The following NFIA variants were observed in gnomAD, a reference collection of about 807,000 sequenced individuals.
The protein encoded by NFIA is nuclear factor I A.
In NFIA, 8 loss-of-function variants were observed where a neutral mutation model predicts 62.8. The ratio of observed to expected loss-of-function variants is 0.13; its 90% CI spans 0.07 to 0.23. The LOEUF (loss-of-function observed/expected upper bound fraction) is 0.23, where lower values mean the gene tolerates loss of function less well. NFIA is among the 10% of genes least tolerant of loss of function. NFIA has a pLI of 1.00. For synonymous variants in NFIA, 235 were observed against 238.1 expected, an observed-to-expected ratio of 0.99 and a Z score of 0.12; for missense variants, 410 against 642.1, an observed-to-expected ratio of 0.64 and a Z score of 3.91.
chr1:61,118,706 G>A (rs1307291431), intron 2 of NFIA, among the ~76,000 whole-genome samples: 2 of 116,554 alleles, frequency 1.7e-5, no homozygotes, highest in Non-Finnish European at 3.8e-5. Context: ...GTGTGTGTGT[G>A]TGTACCAGAG....
chr1:61,307,646 T>C (rs1219438942), intron 3 of NFIA, among the ~76,000 whole-genome samples: 4 of 152,226 alleles, frequency 2.6e-5, no homozygotes, highest in Admixed American at 2.6e-4. Flanking sequence ...TGCTTCTGTT[T>C]TGTGTTTTAT....
intron 2 of NFIA, among the ~76,000 whole-genome samples, chr1:61,175,817 C>G (rs1385524264): frequency 6.6e-6 from 1 of 152,238 alleles, no homozygotes; most frequent in East Asian, 1.9e-4. Context: ...CACTTCCTCA[C>G]TTGCTCATGC....
At chr1:61,262,023 A>G (rs1656798949) in intron 2 of NFIA, among the ~76,000 whole-genome samples, 1 of 152,324 alleles carries the variant, frequency 6.6e-6, no homozygotes, top group South Asian at 2.1e-4. Flanking sequence ...TCTGTTTGAC[A>G]TATTATGGTT....
intron 2 of NFIA, among the ~76,000 whole-genome samples, chr1:61,126,462 A>ATACACACACACACT (rs1553153079): frequency 1.4e-5 from 2 of 145,820 alleles, no homozygotes; most frequent in South Asian, 4.4e-4. Flanking sequence ...ACACACACAC[A>ATACACACACACACT]CACACACACA....
At chr1:61,129,933 G>C (rs1313388985) in intron 2 of NFIA, among the ~76,000 whole-genome samples, 2 of 152,186 alleles carry the variant, frequency 1.3e-5, no homozygotes, top group African/African-American at 4.8e-5. Context: ...GTGCACTGAA[G>C]AAAGGGCGGA....
intron 9 of NFIA, among the ~76,000 whole-genome samples, chr1:61,411,295 A>G (rs1447565754): frequency 1.3e-5 from 2 of 152,114 alleles, no homozygotes; most frequent in South Asian, 2.1e-4. Flanking sequence ...TAATGGGAAA[A>G]ATCCTTACCA....
intron 8 of NFIA, among the ~76,000 whole-genome samples, chr1:61,405,852 G>A (rs1354089746): frequency 6.6e-6 from 1 of 152,060 alleles, no homozygotes; most frequent in Non-Finnish European, 1.5e-5. Context: ...TTAACATCAG[G>A]CAGCAAAATA....
intron 7 of NFIA, among the ~76,000 whole-genome samples, chr1:61,400,430 T>TAAGA (rs1260597593): frequency 1.5e-4 from 23 of 152,234 alleles, no homozygotes; most frequent in Admixed American, 1.4e-3. Context: ...CCTAGGGTAC[T>TAAGA]AAGAGTATTA....
At chr1:61,280,536 G>T (rs1287102197) in intron 3 of NFIA, among the ~76,000 whole-genome samples, 1 of 152,136 alleles carries the variant, frequency 6.6e-6, no homozygotes, top group African/African-American at 2.4e-5. Context: ...GGAAACGAAT[G>T]GTATTTCCCT....
intron 4 of NFIA, among the ~76,000 whole-genome samples, chr1:61,338,838 T>C (rs1444602432): frequency 2.0e-5 from 3 of 152,214 alleles, no homozygotes; most frequent in Admixed American, 1.3e-4. Flanking sequence ...AAACTTTCTT[T>C]CTAAACTAGT....
chr1:61,277,373 A>C (rs954769979), intron 2 of NFIA, 147 bp from the exon 3 acceptor site: 11 of 723,082 alleles, frequency 1.5e-5, no homozygotes, highest in Admixed American at 2.7e-5. Flanking sequence ...TTCTCTTTCC[A>C]TCTTTTCTTT....
chr1:61,098,796 A>T (rs1646461300), intron 2 of NFIA, among the ~76,000 whole-genome samples: 2 of 152,230 alleles, frequency 1.3e-5, no homozygotes, highest in African/African-American at 4.8e-5. Context: ...CTTACGTTTA[A>T]AAAAGGTTTT....
chr1:61,106,958 A>G (rs1047808957), intron 2 of NFIA, among the ~76,000 whole-genome samples: 1 of 151,400 alleles, frequency 6.6e-6, no homozygotes, highest in Non-Finnish European at 1.5e-5. Context: ...ACATACATAT[A>G]TATATATAAA....
intron 2 of NFIA, among the ~76,000 whole-genome samples, chr1:61,119,257 A>G (rs574050800): frequency 2.2e-4 from 34 of 152,270 alleles, no homozygotes; most frequent in South Asian, 1.5e-3. Context: ...AGTCCACCCC[A>G]CTAGTAAACT....
intron 3 of NFIA, among the ~76,000 whole-genome samples, chr1:61,312,989 C>T (rs1470737127): frequency 2.0e-5 from 3 of 152,066 alleles, no homozygotes; most frequent in Middle Eastern, 3.2e-3. Context: ...AATTTGGTGT[C>T]GCTTTATCCT....
intron 7 of NFIA, 34 bp from the exon 8 acceptor site, chr1:61,404,070 C>G: frequency 6.2e-7 from 1 of 1,608,234 alleles, no homozygotes. Flanking sequence ...GCAGGTCTTT[C>G]TTTTCATAAC....
At chr1:61,277,376 T>G (rs1209648650) in intron 2 of NFIA, 144 bp from the exon 3 acceptor site, 2 of 733,052 alleles carry the variant, frequency 2.7e-6, no homozygotes, top group African/African-American at 3.6e-5. Context: ...TCTTTCCATC[T>G]TTTCTTTTTT....
intron 3 of NFIA, among the ~76,000 whole-genome samples, chr1:61,319,682 G>A (rs894268445): frequency 2.0e-5 from 3 of 151,954 alleles, no homozygotes; most frequent in African/African-American, 4.8e-5. Flanking sequence ...GGTTTTATTC[G>A]AAGAAAGAGG....
intron 3 of NFIA, among the ~76,000 whole-genome samples, chr1:61,328,038 G>T (rs539756501): frequency 2.6e-5 from 4 of 150,980 alleles, no homozygotes; most frequent in East Asian, 1.9e-4. Flanking sequence ...TTTCATGTTT[G>T]TTGGCCATTT....
Sources: gnomAD v4.1 joint callset for allele counts (sites outside exome capture counted in the v4.1 genomes callset) on GRCh38, gnomAD v4.1.1 for gene constraint, MANE v1.5 for transcripts, NCBI Gene and HGNC (gene_info 2026-07-23, HGNC 2026-07-21) for gene names.